The following CEP112 variants were observed in gnomAD, a reference collection of about 807,000 sequenced individuals.
The protein encoded by CEP112 is centrosomal protein 112, also known as centrosomal protein of 112 kDa.
CEP112 carries 127 observed loss-of-function variants against 153.0 expected under a neutral mutation model. The observed-to-expected ratio is 0.83, with a 90% CI of 0.72 to 0.96. CEP112 has a LOEUF of 0.96. CEP112 is among the 40% of genes least tolerant of loss of function. The pLI is 0.00. For synonymous variants in CEP112, 358 were observed against 374.4 expected, an observed-to-expected ratio of 0.96 and a Z score of 0.51; for missense variants, 1,089 against 1,101.2, an observed-to-expected ratio of 0.99 and a Z score of 0.16.
At chr17:65,977,158 G>C (rs954767672) in intron 17 of CEP112, among the ~76,000 whole-genome samples, 1 of 152,136 alleles carries the variant, frequency 6.6e-6, no homozygotes, top group African/African-American at 2.4e-5. Context: ...TGGAATAAAC[G>C]AGACTCTGCT....
chr17:65,971,699 A>C (rs1360349684), intron 17 of CEP112, among the ~76,000 whole-genome samples: 1 of 152,226 alleles, frequency 6.6e-6, no homozygotes. Flanking sequence ...TGTATATTAC[A>C]TGCATATTAC....
intron 20 of CEP112, among the ~76,000 whole-genome samples, chr17:65,897,190 TG>T (rs1234529126): frequency 1.3e-5 from 2 of 152,008 alleles, no homozygotes; most frequent in African/African-American, 2.4e-5. Context: ...TTCATTAGGC[TG>T]GGGGAAAAAT....
chr17:65,867,241 C>A (rs1225352142), intron 20 of CEP112, among the ~76,000 whole-genome samples: 1 of 152,226 alleles, frequency 6.6e-6, no homozygotes, highest in African/African-American at 2.4e-5. Flanking sequence ...GGCATGCCGG[C>A]CTGTGCACAG....
intron 8 of CEP112, among the ~76,000 whole-genome samples, chr17:66,070,249 A>G (rs1453853335): frequency 6.6e-6 from 1 of 152,182 alleles, no homozygotes; most frequent in Admixed American, 6.5e-5. Flanking sequence ...AATATGAAGT[A>G]CAGATTCACT....
At chr17:65,648,922 G>A (rs2143542571) in intron 24 of CEP112, among the ~76,000 whole-genome samples, 1 of 152,174 alleles carries the variant, frequency 6.6e-6, no homozygotes, top group South Asian at 2.1e-4. Flanking sequence ...ATGGTGGCAG[G>A]CGCCTGTAAT....
chr17:65,647,174 T>TTG (rs66537524), intron 24 of CEP112, among the ~76,000 whole-genome samples: 2 of 15,638 alleles, frequency 1.3e-4, no homozygotes. Flanking sequence ...TTGATTCTTG[T>TTG]TTTTTTTTTT....
At chr17:65,669,257 G>A (rs1385047423) in intron 24 of CEP112, among the ~76,000 whole-genome samples, 3 of 151,948 alleles carry the variant, frequency 2.0e-5, no homozygotes, top group African/African-American at 7.3e-5. Context: ...TTATGACATC[G>A]AGCCCCAAAT....
intron 18 of CEP112, among the ~76,000 whole-genome samples, chr17:65,937,402 A>C (rs1205638104): frequency 3.6e-5 from 4 of 110,538 alleles, no homozygotes; most frequent in African/African-American, 3.3e-5. Flanking sequence ...CCATCGTCTG[A>C]GATGTGGGGA....
At chr17:65,698,144 T>A (rs1182149747) in intron 23 of CEP112, among the ~76,000 whole-genome samples, 1 of 152,204 alleles carries the variant, frequency 6.6e-6, no homozygotes. Context: ...ATGTGAAGGT[T>A]TTTACCCAAT....
intron 23 of CEP112, among the ~76,000 whole-genome samples, chr17:65,715,859 A>C (rs1391847337): frequency 6.6e-6 from 1 of 152,186 alleles, no homozygotes; most frequent in Non-Finnish European, 1.5e-5. Context: ...GGGATTTGTG[A>C]TGAACATTAT....
At chr17:66,047,464 G>A (rs1261561704) in intron 12 of CEP112, among the ~76,000 whole-genome samples, 1 of 152,056 alleles carries the variant, frequency 6.6e-6, no homozygotes, top group African/African-American at 2.4e-5. Context: ...GTAGAAGAAC[G>A]GACATTCACA....
At chr17:66,009,177 C>T (rs2064401895) in intron 16 of CEP112, among the ~76,000 whole-genome samples, 1 of 131,948 alleles carries the variant, frequency 7.6e-6, no homozygotes, top group South Asian at 2.7e-4. Context: ...CTGGCCTACA[C>T]TTGTTATCCC....
At chr17:66,166,922 A>AC (rs1452125321) in intron 4 of CEP112, among the ~76,000 whole-genome samples, 4 of 139,976 alleles carry the variant, frequency 2.9e-5, no homozygotes, top group African/African-American at 1.0e-4. Flanking sequence ...AAAAAAAAAA[A>AC]CACACAGTTA....
At chr17:66,141,113 A>G (rs2070678427) in intron 4 of CEP112, among the ~76,000 whole-genome samples, 1 of 149,716 alleles carries the variant, frequency 6.7e-6, no homozygotes, top group African/African-American at 2.5e-5. Context: ...TCCATTTGTT[A>G]TAGCCATCTT....
intron 16 of CEP112, among the ~76,000 whole-genome samples, chr17:66,018,801 A>G (rs533947553): frequency 1.1e-3 from 170 of 152,354 alleles, no homozygotes; most frequent in African/African-American, 3.8e-3. Flanking sequence ...AATGATTTTA[A>G]GTAGATATTT....
chr17:65,833,157 C>T (rs1466507169), intron 21 of CEP112, among the ~76,000 whole-genome samples: 1 of 152,060 alleles, frequency 6.6e-6, no homozygotes, highest in Non-Finnish European at 1.5e-5. Context: ...AAATTCAACA[C>T]CCCTTCATGT....
intron 21 of CEP112, among the ~76,000 whole-genome samples, chr17:65,796,301 C>G (rs2054907724): frequency 6.6e-6 from 1 of 152,168 alleles, no homozygotes; most frequent in Non-Finnish European, 1.5e-5. Flanking sequence ...CTCTGAAACC[C>G]TTATAAGATT....
At chr17:65,785,484 G>A (rs562313457) in intron 21 of CEP112, among the ~76,000 whole-genome samples, 3 of 152,294 alleles carry the variant, frequency 2.0e-5, no homozygotes, top group Admixed American at 1.3e-4. Context: ...ACTTTCGTCT[G>A]TCTTGTTGAT....
At chr17:65,880,710 C>T (rs909480664) in intron 20 of CEP112, among the ~76,000 whole-genome samples, 4 of 152,192 alleles carry the variant, frequency 2.6e-5, no homozygotes, top group Non-Finnish European at 4.4e-5. Context: ...GGTGTGAAGA[C>T]GTGCTCTGAG....
Sources: allele counts gnomAD v4.1 joint callset (sites outside exome capture counted in the v4.1 genomes callset), GRCh38; gene constraint gnomAD v4.1.1; transcripts MANE v1.5; gene names NCBI Gene and HGNC (gene_info 2026-07-23, HGNC 2026-07-21).